The following WIPF3 variants were observed in gnomAD, a reference collection of about 807,000 sequenced individuals.
WIPF3 encodes WAS/WASL-interacting protein family member 3.
A neutral mutation model predicts 38.9 loss-of-function variants in WIPF3; 33 were observed. The ratio of observed to expected loss-of-function variants is 0.85; its 90% CI spans 0.64 to 1.14. The LOEUF (loss-of-function observed/expected upper bound fraction) is 1.14, where lower values mean the gene tolerates loss of function less well. Among genes scored for constraint, WIPF3 ranks in the 50% most tolerant of loss-of-function variants. The pLI, the probability that WIPF3 is intolerant of heterozygous loss-of-function variation, is 0.00. For missense variants in WIPF3, 711 were observed against 652.5 expected (o/e 1.09, Z -0.98); for synonymous variants, 324 against 269.3 (o/e 1.20, Z -1.99).
intron 2 of WIPF3, among the ~76,000 whole-genome samples, chr7:29,875,413 G>A (rs565472732): frequency 2.6e-4 from 39 of 152,246 alleles, no homozygotes; most frequent in African/African-American, 8.9e-4. Flanking sequence ...AACTCCCATC[G>A]TCAAGTGGGG....
At chr7:29,897,101 C>G (rs1053668979) in intron 7 of WIPF3, among the ~76,000 whole-genome samples, 2 of 152,070 alleles carry the variant, frequency 1.3e-5, no homozygotes, top group African/African-American at 4.8e-5. Flanking sequence ...TTTTTTTAAG[C>G]CTGGTTTATT....
intron 8 of WIPF3, among the ~76,000 whole-genome samples, chr7:29,908,421 C>T (rs1786440892): frequency 6.6e-6 from 1 of 152,096 alleles, no homozygotes; most frequent in Admixed American, 6.5e-5. Context: ...ATATCCTACT[C>T]CTAATAATGG....
chr7:29,904,106 G>A (rs1786343125), intron 7 of WIPF3, among the ~76,000 whole-genome samples, 180 bp from the exon 8 acceptor site: 1 of 152,160 alleles, frequency 6.6e-6, no homozygotes, highest in Admixed American at 6.5e-5. Flanking sequence ...TATTAGACAT[G>A]ACTCTTCTGC....
intron 7 of WIPF3, among the ~76,000 whole-genome samples, chr7:29,896,502 G>A (rs1448136035): frequency 1.3e-5 from 2 of 152,276 alleles, no homozygotes; most frequent in South Asian, 2.1e-4. Context: ...TGTAGTCCCA[G>A]CTACCTGGGA....
chr7:29,838,300 T>G (rs1784850154), intron 2 of WIPF3, among the ~76,000 whole-genome samples: 2 of 151,832 alleles, frequency 1.3e-5, no homozygotes, highest in African/African-American at 2.4e-5. Context: ...CTTAGTGAAA[T>G]GCCCTAAGAT....
chr7:29,866,905 A>G (rs1032065837), intron 2 of WIPF3, among the ~76,000 whole-genome samples: 10 of 152,328 alleles, frequency 6.6e-5, no homozygotes, highest in Middle Eastern at 3.4e-3. Context: ...CTGTGTTGTG[A>G]TGAAGAAAGC....
chr7:29,895,807 C>T (rs948338211), intron 7 of WIPF3, among the ~76,000 whole-genome samples: 14 of 152,186 alleles, frequency 9.2e-5, no homozygotes, highest in African/African-American at 3.4e-4. Context: ...AGGACAGCAT[C>T]AAGCCATAAG....
intron 1 of WIPF3, among the ~76,000 whole-genome samples, chr7:29,830,672 A>T (rs1466870407): frequency 2.6e-5 from 4 of 151,998 alleles, no homozygotes; most frequent in Admixed American, 2.0e-4. Flanking sequence ...AAGAAAAACC[A>T]GGGCTTTAAA....
intron 2 of WIPF3, among the ~76,000 whole-genome samples, chr7:29,865,804 T>C (rs189505480): frequency 6.6e-6 from 1 of 152,310 alleles, no homozygotes; most frequent in Non-Finnish European, 1.5e-5. Context: ...TCAATCCAAG[T>C]CTGGACCCAG....
At chr7:29,853,144 A>G (rs1785131050) in intron 2 of WIPF3, among the ~76,000 whole-genome samples, 1 of 152,156 alleles carries the variant, frequency 6.6e-6, no homozygotes, top group African/African-American at 2.4e-5. Flanking sequence ...TGTACGGGGA[A>G]CTGGGGCTGC....
In WIPF3 at chr7:29,889,488, A is replaced by G; in HGVS notation, c.1351+81A>G. ...CCCACTGTGCATCAGTTGGTCACAG[A>G]CTGTCTAAAGGATGATGTCATGATT... On this transcript the variant is annotated intron_variant, in intron 7 of 8. Transcript: ENST00000242140. The G allele has an allele frequency of 2.9e-6, 3 of 1,028,432 alleles. No homozygotes were observed. The South Asian group carries it at 4.1e-5, about 14-fold the overall frequency. The allele number at this position is 1,028,432 out of a possible 1,614,324, so 63.7% of individuals were successfully genotyped here.
chr7:29,837,018 T>G (rs1304889552), intron 2 of WIPF3, among the ~76,000 whole-genome samples: 1 of 147,416 alleles, frequency 6.8e-6, no homozygotes, highest in Non-Finnish European at 1.5e-5. Context: ...AACTTACATC[T>G]ATGCTGATAT....
chr7:29,855,073 A>G (rs28580105), intron 2 of WIPF3, among the ~76,000 whole-genome samples: 2,775 of 152,298 alleles, frequency 0.018, 86 homozygotes, highest in African/African-American at 0.064. Flanking sequence ...GCAGAAACCA[A>G]CTGAGGCTCC....
intron 2 of WIPF3, among the ~76,000 whole-genome samples, chr7:29,840,900 C>T (rs1043844272): frequency 2.6e-5 from 4 of 152,102 alleles, no homozygotes; most frequent in Admixed American, 6.5e-5. Context: ...CCAGGGTGAT[C>T]GGACATACCC....
intron 2 of WIPF3, among the ~76,000 whole-genome samples, chr7:29,855,785 AT>A (rs750874147): frequency 2.1e-4 from 32 of 152,010 alleles, no homozygotes; most frequent in Non-Finnish European, 4.3e-4. Context: ...CTTTGTCTCC[AT>A]TTTTTCTCAC....
chr7:29,860,530 C>T (rs775656542), intron 2 of WIPF3, among the ~76,000 whole-genome samples: 4 of 152,328 alleles, frequency 2.6e-5, no homozygotes, highest in East Asian at 3.9e-4. Flanking sequence ...GAAGCAGATG[C>T]TTGCGCCATG....
At chr7:29,822,535 C>G (rs925231605) in intron 1 of WIPF3, among the ~76,000 whole-genome samples, 1 of 152,306 alleles carries the variant, frequency 6.6e-6, no homozygotes, top group East Asian at 1.9e-4. Context: ...AAGATCAGTT[C>G]TGCTGCCATC....
At chr7:29,851,009 T>C (rs557422729) in intron 2 of WIPF3, among the ~76,000 whole-genome samples, 80 of 152,324 alleles carry the variant, frequency 5.3e-4, no homozygotes, top group African/African-American at 1.8e-3. Context: ...ACATACTAAG[T>C]GTTCAGTTAT....
Position 29,883,959 on chromosome 7 carries a change from C to G in WIPF3, c.465C>G (p.Thr155=), listed in dbSNP as rs1163535020. Residue 155 remains threonine, a synonymous_variant, in exon 5 of 9, where the codon ACC becomes ACG. Transcript: ENST00000242140. ...CTGCCTCTCCCAGGCTAGGCAATACCTCCGAGGCGCATGGCGCTGCCAGGA... is the reference window on the plus strand; with the variant it reads ...CTGCCTCTCCCAGGCTAGGCAATACGTCCGAGGCGCATGGCGCTGCCAGGA... The part of the protein sequence containing the change: ...IPPASPRLGN[T]SEAHGAARTA... 1 of 1,556,944 alleles carries G rather than the reference C, an allele frequency of 6.4e-7. No homozygotes were observed. Among genetic ancestry groups the G allele is most frequent in the Admixed American group, 1.9e-5 (1 of 52,178 alleles).
Sources: allele counts gnomAD v4.1 joint callset (sites outside exome capture counted in the v4.1 genomes callset), GRCh38; gene constraint gnomAD v4.1.1; transcripts MANE v1.5; gene names NCBI Gene and HGNC (gene_info 2026-07-23, HGNC 2026-07-21).